Variants in DLGAP1 observed in about 807,000 individuals in gnomAD.
The protein encoded by DLGAP1 is DLG associated protein 1, also known as disks large-associated protein 1.
A neutral mutation model predicts 90.8 loss-of-function variants in DLGAP1; 11 were observed. The observed-to-expected ratio is 0.12, with a 90% CI of 0.08 to 0.20. DLGAP1 has a LOEUF of 0.20. Ranked by LOEUF, DLGAP1 falls within the 10% of genes least tolerant of loss-of-function variation. The pLI, the probability that DLGAP1 is intolerant of heterozygous loss-of-function variation, is 1.00. For missense variants in DLGAP1, 1,050 were observed against 1,333.8 expected, an observed-to-expected ratio of 0.79 and a Z score of 3.31; for synonymous variants, 558 against 540.7, an observed-to-expected ratio of 1.03 and a Z score of -0.44.
At chr18:3,850,640 G>A (rs2069283780) in intron 4 of DLGAP1, among the ~76,000 whole-genome samples, 1 of 152,086 alleles carries the variant, frequency 6.6e-6, no homozygotes, top group South Asian at 2.1e-4. Context: ...AGATAGACAA[G>A]ACTTTTGAAG....
chr18:4,028,548 T>G (rs2074741643), intron 2 of DLGAP1, among the ~76,000 whole-genome samples: 1 of 152,224 alleles, frequency 6.6e-6, no homozygotes, highest in Non-Finnish European at 1.5e-5. Context: ...GATTATACAA[T>G]GTATACATGT....
At chr18:3,972,167 T>C (rs1195838214) in intron 3 of DLGAP1, among the ~76,000 whole-genome samples, 4 of 152,076 alleles carry the variant, frequency 2.6e-5, no homozygotes, top group South Asian at 2.1e-4. Context: ...TTATAAACTA[T>C]ATAATACCTC....
chr18:4,328,754 G>T (rs2080881681), intron 1 of DLGAP1, among the ~76,000 whole-genome samples: 1 of 152,012 alleles, frequency 6.6e-6, no homozygotes, highest in East Asian at 1.9e-4. Context: ...GTGAAGTAGT[G>T]TCTCATTGTG....
chr18:3,962,869 CT>C (rs767758653), intron 3 of DLGAP1, among the ~76,000 whole-genome samples: 1 of 152,058 alleles, frequency 6.6e-6, no homozygotes, highest in Admixed American at 6.5e-5. Context: ...ATTGTCTTTG[CT>C]TTTTTTTCTG....
intron 9 of DLGAP1, among the ~76,000 whole-genome samples, chr18:3,561,410 T>C (rs2054101771): frequency 8.3e-6 from 1 of 120,638 alleles, no homozygotes; most frequent in African/African-American, 3.5e-5. Flanking sequence ...TACTCCTTCC[T>C]GGGCGACAGA....
intron 5 of DLGAP1, among the ~76,000 whole-genome samples, chr18:3,764,440 G>A (rs1057110364): frequency 0.17 from 25 of 144 alleles, no homozygotes; most frequent in Non-Finnish European, 0.073. Flanking sequence ...CCCAGGCCTC[G>A]TTTGTTTGTT....
At chr18:4,293,721 TAAC>T (rs1174373159) in intron 1 of DLGAP1, 4 of 152,190 alleles carry the variant, frequency 2.6e-5, no homozygotes, top group Admixed American at 1.3e-4. Flanking sequence ...TTAAAATAAT[TAAC>T]AACTATAGTG....
chr18:4,376,770 T>A (rs961018047), intron 1 of DLGAP1, among the ~76,000 whole-genome samples: 2 of 152,160 alleles, frequency 1.3e-5, no homozygotes, highest in African/African-American at 4.8e-5. Context: ...GAGGTGGAAT[T>A]AATTTTATTT....
At chr18:3,708,349 A>AACAAAATG in intron 7 of DLGAP1, 1 of 451,994 alleles carries the variant, frequency 2.2e-6, no homozygotes, top group South Asian at 1.6e-5. Context: ...ACCGTTGTAA[A>AACAAAATG]ACAAAATGTT....
chr18:4,439,004 T>C (rs1176927739), intron 1 of DLGAP1, among the ~76,000 whole-genome samples: 1 of 152,176 alleles, frequency 6.6e-6, no homozygotes, highest in Admixed American at 6.5e-5. Context: ...GGAGGAACTT[T>C]GTGCAAACTG....
At chr18:3,745,490 A>AATC (rs2063230282) in intron 5 of DLGAP1, among the ~76,000 whole-genome samples, 2 of 152,182 alleles carry the variant, frequency 1.3e-5, no homozygotes, top group Non-Finnish European at 2.9e-5. Context: ...ATGTTGCTAT[A>AATC]ATCTAAACAA....
At chr18:3,707,222 A>G (rs892081383) in intron 7 of DLGAP1, among the ~76,000 whole-genome samples, 1 of 152,194 alleles carries the variant, frequency 6.6e-6, no homozygotes, top group Non-Finnish European at 1.5e-5. Context: ...GCTCTAAGAA[A>G]AGAAAGGGAG....
chr18:3,728,411 G>A (rs374751321), intron 7 of DLGAP1, among the ~76,000 whole-genome samples: 1 of 150,638 alleles, frequency 6.6e-6, no homozygotes, highest in East Asian at 2.0e-4. Flanking sequence ...TATAGCCCAC[G>A]GCTATATTAT....
chr18:4,360,817 A>G (rs2081615198), intron 1 of DLGAP1, among the ~76,000 whole-genome samples: 1 of 152,170 alleles, frequency 6.6e-6, no homozygotes. Flanking sequence ...TGTCTCTACT[A>G]AAAACACAAA....
intron 4 of DLGAP1, among the ~76,000 whole-genome samples, chr18:3,859,953 G>A (rs1216173463): frequency 6.6e-6 from 1 of 151,970 alleles, no homozygotes; most frequent in Admixed American, 6.6e-5. Flanking sequence ...CAAAAAATTA[G>A]CCAGGCGTGG....
At chr18:3,890,880 C>A (rs182550040) in intron 3 of DLGAP1, among the ~76,000 whole-genome samples, 1 of 152,286 alleles carries the variant, frequency 6.6e-6, no homozygotes, top group African/African-American at 2.4e-5. Flanking sequence ...AGATGTGCAC[C>A]ACTGCGCCAG....
chr18:3,798,036 C>T (rs1399163606), intron 5 of DLGAP1, among the ~76,000 whole-genome samples: 6 of 152,156 alleles, frequency 3.9e-5, no homozygotes, highest in African/African-American at 1.4e-4. Flanking sequence ...GCCTCCCCAG[C>T]CACATGGAAC....
chr18:3,890,812 T>G (rs1009129126), intron 3 of DLGAP1, among the ~76,000 whole-genome samples: 2 of 152,192 alleles, frequency 1.3e-5, no homozygotes, highest in African/African-American at 4.8e-5. Flanking sequence ...CACTGCAGAC[T>G]TGAACTCCTG....
intron 2 of DLGAP1, among the ~76,000 whole-genome samples, chr18:4,133,109 C>T (rs1029282986): frequency 3.9e-5 from 6 of 152,250 alleles, no homozygotes; most frequent in East Asian, 1.9e-4. Flanking sequence ...ACACCCTAAG[C>T]GCTTTGAGTA....
Sources: gnomAD v4.1 joint callset for allele counts (sites outside exome capture counted in the v4.1 genomes callset) on GRCh38, gnomAD v4.1.1 for gene constraint, MANE v1.5 for transcripts, NCBI Gene and HGNC (gene_info 2026-07-23, HGNC 2026-07-21) for gene names.